The following C12orf56 variants were observed in gnomAD, a reference collection of about 807,000 sequenced individuals.
C12orf56 encodes the protein chromosome 12 open reading frame 56.
In C12orf56, 71 loss-of-function variants were observed where a neutral mutation model predicts 69.9. The ratio of observed to expected loss-of-function variants is 1.02; its 90% CI spans 0.84 to 1.24. C12orf56 has a LOEUF of 1.24. Ranked by LOEUF, C12orf56 falls within the 50% of genes most tolerant of loss-of-function variation. The pLI is 0.00. For missense variants in C12orf56, 732 were observed against 738.5 expected, an observed-to-expected ratio of 0.99 and a Z score of 0.10; for synonymous variants, 276 against 274.1, an observed-to-expected ratio of 1.01 and a Z score of -0.07.
intron 1 of C12orf56, among the ~76,000 whole-genome samples, chr12:64,387,332 G>T (rs1385525386): frequency 6.6e-6 from 1 of 152,126 alleles, no homozygotes; most frequent in South Asian, 2.1e-4. Flanking sequence ...GGACATTCAA[G>T]CTACCAACAA....
chr12:64,373,613 A>G (rs895096090), intron 1 of C12orf56, among the ~76,000 whole-genome samples: 5 of 152,192 alleles, frequency 3.3e-5, no homozygotes, highest in Non-Finnish European at 7.3e-5. Context: ...TCAGGACCCA[A>G]CTTCTCTGCA....
chr12:64,310,514 G>C (rs545020457), intron 5 of C12orf56, among the ~76,000 whole-genome samples: 6 of 152,250 alleles, frequency 3.9e-5, no homozygotes, highest in African/African-American at 1.2e-4. Flanking sequence ...AGGAAAGGAA[G>C]AATATATTAA....
rs1186893146 is a variant in C12orf56 at position 64,330,922 on chromosome 12, T to C, written c.488+38A>G. ...AAGTTACAATGTAAAAATGTTTTGG[T>C]TAGCAAGTTAAACACATACTCCAAA... On this transcript the variant is annotated intron_variant, in intron 3 of 12. Coordinates refer to ENST00000543942, the MANE Select transcript of C12orf56 (RefSeq NM_001170633.2). The C allele has an allele frequency of 5.4e-6, 8 of 1,468,920 alleles. No homozygotes were observed. In the East Asian group the frequency reaches 1.5e-4, roughly 27 times the overall value. 91.0% of individuals were successfully genotyped at this position (1,468,920 alleles called of 1,614,324 possible).
intron 1 of C12orf56, among the ~76,000 whole-genome samples, chr12:64,365,911 A>G (rs2039467385): frequency 7.5e-6 from 1 of 133,828 alleles, no homozygotes; most frequent in Admixed American, 8.1e-5. Context: ...CATTATGTAT[A>G]GTGTATATAT....
chr12:64,368,431 TCTTATCAAAGGCCTGA>T (rs1385673895), intron 1 of C12orf56, among the ~76,000 whole-genome samples: 13 of 152,180 alleles, frequency 8.5e-5, no homozygotes, highest in African/African-American at 3.1e-4. Flanking sequence ...CTATGGAGTT[TCTTATCAAAGGCCTGA>T]CATCAAAGAG....
At chr12:64,276,000 C>CG (rs2038045542) in intron 9 of C12orf56, among the ~76,000 whole-genome samples, 12 of 75,202 alleles carry the variant, frequency 1.6e-4, no homozygotes, top group Non-Finnish European at 2.9e-4. Context: ...TAGAAATACA[C>CG]ACCCCCCCCC....
At chr12:64,387,522 A>C (rs1203698948) in intron 1 of C12orf56, among the ~76,000 whole-genome samples, 3 of 152,198 alleles carry the variant, frequency 2.0e-5, no homozygotes, top group Non-Finnish European at 4.4e-5. Context: ...AAAAAAAAAC[A>C]AAACAAAAAA....
intron 8 of C12orf56, among the ~76,000 whole-genome samples, chr12:64,278,047 T>C (rs563412020): frequency 3.3e-4 from 51 of 152,276 alleles, no homozygotes; most frequent in African/African-American, 1.2e-3. Context: ...CCACATAGCT[T>C]AGAAAGACTA....
intron 1 of C12orf56, among the ~76,000 whole-genome samples, chr12:64,362,993 T>A (rs1332711573): frequency 2.6e-5 from 4 of 152,184 alleles, no homozygotes; most frequent in Non-Finnish European, 4.4e-5. Context: ...GGCTGACTTC[T>A]TTATTGCAAC....
chr12:64,366,875 T>TTA (rs1384937350), intron 1 of C12orf56, among the ~76,000 whole-genome samples: 1 of 126,362 alleles, frequency 7.9e-6, no homozygotes, highest in African/African-American at 3.1e-5. Flanking sequence ...AACATACAGT[T>TTA]TATATATATT....
intron 3 of C12orf56, among the ~76,000 whole-genome samples, chr12:64,325,030 T>G (rs2038820186): frequency 6.6e-6 from 1 of 152,104 alleles, no homozygotes; most frequent in Non-Finnish European, 1.5e-5. Context: ...AAGCTGAGGA[T>G]TCCATAGCCT....
intron 3 of C12orf56, among the ~76,000 whole-genome samples, chr12:64,323,664 C>T (rs2136848710): frequency 6.6e-6 from 1 of 150,866 alleles, no homozygotes; most frequent in South Asian, 2.1e-4. Flanking sequence ...ACAAGCCCAG[C>T]TAATTTTTGC....
chr12:64,365,699 A>AAT (rs2039459088), intron 1 of C12orf56, among the ~76,000 whole-genome samples: 13 of 145,376 alleles, frequency 8.9e-5, no homozygotes, highest in African/African-American at 3.0e-4. Flanking sequence ...TCTATTATAT[A>AAT]ATACAATATA....
chr12:64,362,688 T>C (rs1466892246), intron 1 of C12orf56, among the ~76,000 whole-genome samples: 1 of 151,950 alleles, frequency 6.6e-6, no homozygotes, highest in Admixed American at 6.6e-5. Flanking sequence ...CAAGACTCCA[T>C]CTCAAAAAAG....
At chr12:64,373,457 A>T (rs1016486920) in intron 1 of C12orf56, among the ~76,000 whole-genome samples, 3 of 152,218 alleles carry the variant, frequency 2.0e-5, no homozygotes, top group Non-Finnish European at 2.9e-5. Context: ...TTGAAAAAAA[A>T]TAAAGAAAAC....
chr12:64,304,218 ATGC>A (rs749367802), intron 5 of C12orf56, among the ~76,000 whole-genome samples: 43 of 152,260 alleles, frequency 2.8e-4, no homozygotes, highest in Admixed American at 5.9e-4. Flanking sequence ...TTCTAAGTAA[ATGC>A]TGCATTTTCT....
At chr12:64,338,532 C>T (rs2039028617) in intron 2 of C12orf56, 1 of 1,288,014 alleles carries the variant, frequency 7.8e-7, no homozygotes, top group Admixed American at 1.7e-5. Context: ...GTAAGGTCAT[C>T]CCTCACTCTG....
At chr12:64,298,758 G>A (rs1223825779) in intron 6 of C12orf56, among the ~76,000 whole-genome samples, 3 of 152,314 alleles carry the variant, frequency 2.0e-5, no homozygotes, top group Admixed American at 6.5e-5. Context: ...TTTGGTACCA[G>A]TACCATGCTC....
intron 6 of C12orf56, among the ~76,000 whole-genome samples, chr12:64,301,994 A>G (rs1384424638): frequency 6.6e-6 from 1 of 152,188 alleles, no homozygotes; most frequent in African/African-American, 2.4e-5. Flanking sequence ...GTCACAAGAA[A>G]CTTTTGAACA....
Sources: gnomAD v4.1 joint callset for allele counts (sites outside exome capture counted in the v4.1 genomes callset) on GRCh38, gnomAD v4.1.1 for gene constraint, MANE v1.5 for transcripts, NCBI Gene and HGNC (gene_info 2026-07-23, HGNC 2026-07-21) for gene names.